The following CDKN2B-AS1 variants were observed in gnomAD, a reference collection of about 807,000 sequenced individuals.
CDKN2B-AS1 encodes CDKN2B and CDKN2A antisense cis and trans regulatory RNA 1.
At chr9:22,115,362 C>A (rs1825920708) in intron 4 of CDKN2B-AS1, among the ~76,000 whole-genome samples, 1 of 152,096 alleles carries the variant, frequency 6.6e-6, no homozygotes, top group African/African-American at 2.4e-5. Context: ...AGGACGCATG[C>A]ATAAACTAGG....
chr9:22,022,164 A>G (rs938435474), intron 1 of CDKN2B-AS1, among the ~76,000 whole-genome samples: 4 of 151,440 alleles, frequency 2.6e-5, no homozygotes, highest in East Asian at 2.0e-4. Context: ...GTATATATCT[A>G]TCAGGTTCAT....
intron 4 of CDKN2B-AS1, among the ~76,000 whole-genome samples, chr9:22,115,611 T>C (rs960949534): frequency 2.0e-5 from 3 of 152,164 alleles, no homozygotes; most frequent in Non-Finnish European, 4.4e-5. Flanking sequence ...TTCCAGAGTG[T>C]TTCCTCTCTT....
chr9:22,101,117 A>T (rs1825468276), intron 4 of CDKN2B-AS1, among the ~76,000 whole-genome samples: 1 of 152,194 alleles, frequency 6.6e-6, no homozygotes, highest in African/African-American at 2.4e-5. Flanking sequence ...AATCTTTAAA[A>T]TTCCTCTACC....
intron 1 of CDKN2B-AS1, among the ~76,000 whole-genome samples, chr9:22,015,230 T>A (rs1307516867): frequency 6.6e-6 from 1 of 152,170 alleles, no homozygotes; most frequent in East Asian, 1.9e-4. Context: ...CCACCAACAG[T>A]GTAAAAGTGT....
intron 1 of CDKN2B-AS1, among the ~76,000 whole-genome samples, chr9:22,016,432 A>T (rs1173918091): frequency 6.6e-6 from 1 of 152,244 alleles, no homozygotes; most frequent in Non-Finnish European, 1.5e-5. Flanking sequence ...TTCTTCACAG[A>T]ATTGGAAAAA....
chr9:22,082,940 G>C (rs1183904484), intron 4 of CDKN2B-AS1, among the ~76,000 whole-genome samples: 4 of 152,172 alleles, frequency 2.6e-5, no homozygotes, highest in Non-Finnish European at 2.9e-5. Context: ...GTTCAGGCTT[G>C]AGAAAGCCAA....
intron 1 of CDKN2B-AS1, among the ~76,000 whole-genome samples, chr9:22,013,430 C>G (rs183002947): frequency 6.6e-6 from 1 of 151,974 alleles, no homozygotes; most frequent in Non-Finnish European, 1.5e-5. Flanking sequence ...TTGCTACAGT[C>G]TCTTGTATCT....
intron 4 of CDKN2B-AS1, among the ~76,000 whole-genome samples, chr9:22,116,109 T>C (rs1825943206): frequency 6.6e-6 from 1 of 152,246 alleles, no homozygotes; most frequent in East Asian, 1.9e-4. Flanking sequence ...ACATTGGACA[T>C]GATCAACTTC....
At chr9:22,012,315 G>A (rs763604989) in intron 1 of CDKN2B-AS1, 34 of 1,455,366 alleles carry the variant, frequency 2.3e-5, no homozygotes, top group Non-Finnish European at 3.1e-5. Flanking sequence ...GAGGATGGCC[G>A]CACTCTCTCA....
intron 4 of CDKN2B-AS1, among the ~76,000 whole-genome samples, chr9:22,082,333 T>C (rs1005496439): frequency 1.3e-5 from 2 of 152,344 alleles, no homozygotes; most frequent in Non-Finnish European, 2.9e-5. Flanking sequence ...TTTGATTTCT[T>C]GTACAAGGCA....
chr9:22,113,266 C>G (rs564658028), intron 4 of CDKN2B-AS1, among the ~76,000 whole-genome samples: 1 of 152,290 alleles, frequency 6.6e-6, no homozygotes, highest in South Asian at 2.1e-4. Flanking sequence ...ATTTCCTTAT[C>G]AAGCCATCCA....
chr9:22,025,438 G>A lies in CDKN2B-AS1; in HGVS notation n.30-21313G>A, dbSNP rs551244430. On this transcript the variant is annotated intron_variant and non_coding_transcript_variant, in intron 1 of 4. Coordinates refer to ENST00000650946, the Ensembl canonical transcript of CDKN2B-AS1. The stretch of plus-strand genomic sequence containing the variant: ...AGAGAGGCTTTCAGTTGTCCGTGGC[G>A]GCTCTGTCCAGGGAGTTGCTGAGTT... 1.9e-4 allele frequency among the ~76,000 whole-genome samples: 29 copies of A among 152,280 alleles called. No homozygotes were observed. In the South Asian group the frequency reaches 3.5e-3, roughly 19 times the overall value.
chr9:22,090,158 C>A (rs1218918024), intron 4 of CDKN2B-AS1, among the ~76,000 whole-genome samples: 1 of 152,112 alleles, frequency 6.6e-6, no homozygotes, highest in Non-Finnish European at 1.5e-5. Context: ...GACATGAACT[C>A]ATCCTTTTTT....
intron 4 of CDKN2B-AS1, among the ~76,000 whole-genome samples, chr9:22,074,066 T>C (rs138681154): frequency 6.6e-6 from 1 of 152,082 alleles, no homozygotes; most frequent in South Asian, 2.1e-4. Context: ...TTTTGCCATG[T>C]TGCCCAGGCT....
chr9:22,033,437 A>G (rs1822558634), intron 1 of CDKN2B-AS1, among the ~76,000 whole-genome samples: 1 of 152,106 alleles, frequency 6.6e-6, no homozygotes, highest in African/African-American at 2.4e-5. Flanking sequence ...AAACATACAC[A>G]TGCATATGTA....
chr9:22,085,613 C>T (rs1824843918), intron 4 of CDKN2B-AS1, among the ~76,000 whole-genome samples: 2 of 150,654 alleles, frequency 1.3e-5, no homozygotes, highest in African/African-American at 2.4e-5. Context: ...CCCAGGTACT[C>T]GGGAAGCTGA....
chr9:22,072,523 C>T (rs944124778), intron 4 of CDKN2B-AS1, among the ~76,000 whole-genome samples: 1 of 152,192 alleles, frequency 6.6e-6, no homozygotes, highest in African/African-American at 2.4e-5. Flanking sequence ...GTAGCTTAAG[C>T]TATCTAAGCC....
intron 1 of CDKN2B-AS1, chr9:22,004,534 A>AT: frequency 4.3e-6 from 1 of 232,516 alleles, no homozygotes; most frequent in East Asian, 6.1e-5. Flanking sequence ...ATGAACATGT[A>AT]TTTTTAAACC....
At chr9:22,119,414 T>C (rs1162496555) in intron 4 of CDKN2B-AS1, 1 of 152,204 alleles carries the variant, frequency 6.6e-6, no homozygotes, top group East Asian at 1.9e-4. Flanking sequence ...ATGTATATTA[T>C]GCTGACTTCA....
Sources: gnomAD v4.1 joint callset for allele counts (sites outside exome capture counted in the v4.1 genomes callset) on GRCh38, gnomAD v4.1.1 for gene constraint, MANE v1.5 for transcripts, NCBI Gene and HGNC (gene_info 2026-07-23, HGNC 2026-07-21) for gene names.